HGSNAT: variants seen among roughly 807,000 people sequenced by gnomAD.
HGSNAT encodes the protein heparan-alpha-glucosaminide N-acetyltransferase.
A neutral mutation model predicts 85.2 loss-of-function variants in HGSNAT; 59 were observed. The observed-to-expected ratio is 0.69, with a 90% CI of 0.56 to 0.86. The LOEUF is 0.86. HGSNAT is among the 40% of genes least tolerant of loss of function. HGSNAT has a pLI of 0.00. For synonymous variants in HGSNAT, 321 were observed against 304.5 expected (o/e 1.05, Z -0.56); for missense variants, 756 against 777.1 (o/e 0.97, Z 0.32).
At chr8:43,167,581 T>A (rs1470953757) in intron 5 of HGSNAT, among the ~76,000 whole-genome samples, 1 of 152,248 alleles carries the variant, frequency 6.6e-6, no homozygotes, top group East Asian at 1.9e-4. Flanking sequence ...TAGTATAGTG[T>A]AATATATAAC....
Position 43,170,595 on chromosome 8 carries a change from C to G in HGSNAT, c.644C>G (p.Ser215Cys). 2.5e-6 allele frequency: 4 copies of G among 1,606,592 alleles called. No homozygotes were observed. Among genetic ancestry groups the G allele is most frequent in the Non-Finnish European group, 3.4e-6 (4 of 1,176,228 alleles). The change falls in exon 7 of 18, where the codon TCT becomes TGT. Residue 215 changes from serine to cysteine, a missense_variant. Coordinates refer to ENST00000379644, the MANE Select transcript of HGSNAT (RefSeq NM_152419.3). ...TDRLINSELG[S>C]PSRTDPLDGD... ...CCTTTTTTTCTGAAGGAGCTGGGAT[C>G]TCCCAGCAGGACAGACCCTCTCGAT...
At chr8:43,179,515 C>A (rs1197394022) in intron 10 of HGSNAT, among the ~76,000 whole-genome samples, 5 of 124,206 alleles carry the variant, frequency 4.0e-5, no homozygotes, top group African/African-American at 1.6e-4. Flanking sequence ...ACCTCCCTCC[C>A]GGACGGGGCG....
rs1256443156 is a variant in HGSNAT at position 43,191,530 on chromosome 8, C to T, written c.1185C>T (p.Leu395=). 2 of 1,614,014 alleles carry T rather than the reference C, an allele frequency of 1.2e-6. No homozygotes were observed. Among genetic ancestry groups the T allele is most frequent in the Non-Finnish European group, 1.7e-6 (2 of 1,179,880 alleles). Residue 395 remains leucine, a synonymous_variant, in exon 12 of 18, where the codon CTC becomes CTT. Transcript: ENST00000379644. The part of the protein sequence containing the change: ...DITSSWPQWL[L]ILVLEGLWLG... ...CGTCCAGCTGGCCCCAGTGGCTGCT[C>T]ATCCTGGTGCTGGAAGGCCTGTGGC...
At chr8:43,196,906 C>T in intron 14 of HGSNAT, 42 bp from the exon 15 acceptor site, 1 of 1,189,428 alleles carries the variant, frequency 8.4e-7, no homozygotes, top group Non-Finnish European at 1.3e-6. Flanking sequence ...TAAAAATATC[C>T]CTTTGGCGAT....
At chr8:43,188,802 A>T (rs1326994316) in intron 11 of HGSNAT, among the ~76,000 whole-genome samples, 2 of 152,112 alleles carry the variant, frequency 1.3e-5, no homozygotes, top group East Asian at 3.9e-4. Flanking sequence ...TTGGTCTTTG[A>T]TGATGGTGAT....
intron 2 of HGSNAT, among the ~76,000 whole-genome samples, chr8:43,154,506 C>T (rs1304627686): frequency 6.6e-6 from 1 of 152,028 alleles, no homozygotes; most frequent in African/African-American, 2.4e-5. Flanking sequence ...CATCCATGTC[C>T]CTACAAAGGA....
In HGSNAT at chr8:43,181,977, G is replaced by T. The variant is rs144779087; in HGVS notation, c.1013-168G>T. On this transcript the variant is annotated intron_variant, in intron 10 of 17. Coordinates refer to ENST00000379644, the MANE Select transcript of HGSNAT (RefSeq NM_152419.3). ...GGATTGGCCTGTTTTTGGAAGCTGG[G>T]CTGAGCCCATGTCTCTTGACCGTAT... 11 of 639,616 alleles carry T rather than the reference G, an allele frequency of 1.7e-5. No individual in the cohort carries two copies. In the Admixed American group the frequency reaches 2.2e-4, roughly 13 times the overall value. 39.6% of individuals were successfully genotyped at this position (639,616 alleles called of 1,614,324 possible). A position where few individuals can be genotyped will look rare whatever the true frequency, so the allele number is the denominator to read the frequency against.
At chr8:43,179,471 G>A (rs1424242210) in intron 10 of HGSNAT, among the ~76,000 whole-genome samples, 2 of 117,372 alleles carry the variant, frequency 1.7e-5, no homozygotes, top group African/African-American at 7.0e-5. Context: ...CTCCCGGACG[G>A]GGCGGCCGGC....
chr8:43,170,244 G>A (rs914378566), intron 6 of HGSNAT, among the ~76,000 whole-genome samples: 1 of 152,188 alleles, frequency 6.6e-6, no homozygotes, highest in African/African-American at 2.4e-5. Flanking sequence ...CACTTTAGGA[G>A]GCTGAGGCAG....
At chr8:43,151,476 G>A (rs981696491) in intron 2 of HGSNAT, among the ~76,000 whole-genome samples, 6 of 152,110 alleles carry the variant, frequency 3.9e-5, no homozygotes, top group African/African-American at 1.4e-4. Flanking sequence ...ATAGAAATAA[G>A]TAACACGTGT....
At chr8:43,161,540 G>A (rs745883213) in intron 5 of HGSNAT, 33 bp downstream of exon 5, 7 of 1,535,654 alleles carry the variant, frequency 4.6e-6, no homozygotes, top group Non-Finnish European at 4.5e-6. Context: ...CACTGGAAAG[G>A]CAGAGTATAG....
At chr8:43,152,064 A>C (rs1341330304) in intron 2 of HGSNAT, among the ~76,000 whole-genome samples, 1 of 152,194 alleles carries the variant, frequency 6.6e-6, no homozygotes, top group African/African-American at 2.4e-5. Context: ...CCAGGTGGGC[A>C]GATCACTTGA....
At chr8:43,152,054 C>T (rs1802938621) in intron 2 of HGSNAT, among the ~76,000 whole-genome samples, 1 of 152,044 alleles carries the variant, frequency 6.6e-6, no homozygotes, top group African/African-American at 2.4e-5. Flanking sequence ...TTTGGGAGGC[C>T]CAGGTGGGCA....
At chr8:43,195,625 ATGGGGT>A (rs1232016243) in intron 14 of HGSNAT, among the ~76,000 whole-genome samples, 1 of 133,844 alleles carries the variant, frequency 7.5e-6, no homozygotes, top group Non-Finnish European at 1.6e-5. Flanking sequence ...GTGGAGGAGG[ATGGGGT>A]GGAGGAAGAG....
chr8:43,159,090 G>T lies in HGSNAT; in HGVS notation c.493+46G>T, dbSNP rs72647302. ...GATTTTCACATTTGCATTTTCAGAG[G>T]TTTCAGTTTTTGAGTACTGTTTGTA... On this transcript the variant is annotated intron_variant, in intron 4 of 17. Transcript: ENST00000379644. The T allele has an allele frequency of 0.047, 74,367 of 1,586,514 alleles. 2,060 individuals carry two copies. Among genetic ancestry groups the T allele is most frequent in the Non-Finnish European group, 0.056 (65,575 of 1,164,280 alleles).
intron 2 of HGSNAT, 25 bp downstream of exon 2, chr8:43,147,088 C>A: frequency 1.4e-6 from 2 of 1,381,950 alleles, no homozygotes; most frequent in South Asian, 1.3e-5. Context: ...ACACTCAGTT[C>A]TGTTTGCTTT....
At chr8:43,179,836 G>T (rs1586736035) in intron 10 of HGSNAT, among the ~76,000 whole-genome samples, 1 of 64,420 alleles carries the variant, frequency 1.6e-5, no homozygotes, top group East Asian at 5.6e-4. Context: ...CCAGGCGGGG[G>T]GCTGATCCCC....
intron 1 of HGSNAT, among the ~76,000 whole-genome samples, chr8:43,144,891 C>T (rs1329466644): frequency 1.3e-5 from 2 of 152,130 alleles, no homozygotes; most frequent in Non-Finnish European, 2.9e-5. Flanking sequence ...TACACCAGTC[C>T]CCTGATTTTG....
intron 1 of HGSNAT, among the ~76,000 whole-genome samples, chr8:43,146,496 C>G (rs1802716615): frequency 6.6e-6 from 1 of 152,160 alleles, no homozygotes; most frequent in Non-Finnish European, 1.5e-5. Context: ...AAACCGTGGT[C>G]ACAGGCAGTT....
Sources: gnomAD v4.1 joint callset for allele counts (sites outside exome capture counted in the v4.1 genomes callset) on GRCh38, gnomAD v4.1.1 for gene constraint, MANE v1.5 for transcripts, NCBI Gene and HGNC (gene_info 2026-07-23, HGNC 2026-07-21) for gene names.